The following DNASE1 variants were observed in gnomAD, a reference collection of about 807,000 sequenced individuals.
DNASE1 encodes the protein deoxyribonuclease-1.
A neutral mutation model predicts 33.9 loss-of-function variants in DNASE1; 40 were observed. That is an observed-to-expected ratio of 1.18 (90% CI 0.92 to 1.54). The LOEUF is 1.54. DNASE1 is among the 40% of genes most tolerant of loss of function. The pLI is 0.00. For synonymous variants in DNASE1, 216 were observed against 160.0 expected (o/e 1.35, Z -2.64); for missense variants, 518 against 372.6 (o/e 1.39, Z -3.21).
At chr16:3,639,388 C>T (rs2041967158), upstream of DNASE1, among the ~76,000 whole-genome samples, 1 of 152,198 alleles carries the variant, frequency 6.6e-6, no homozygotes. Context: ...CTGGTGAGTT[C>T]AACAGCACCC....
At chr16:3,613,924 T>A (rs1482706469) in intron 1 of DNASE1, among the ~76,000 whole-genome samples, 4 of 146,888 alleles carry the variant, frequency 2.7e-5, no homozygotes, top group Admixed American at 1.4e-4. Context: ...TTTTTTTTTT[T>A]TTTTTTTGGA....
intron 1 of DNASE1, among the ~76,000 whole-genome samples, chr16:3,625,961 G>A (rs530600022): frequency 3.3e-5 from 5 of 152,266 alleles, no homozygotes; most frequent in African/African-American, 1.2e-4. Context: ...TTAGCCGGGT[G>A]TCAGGGCATG....
At chr16:3,658,675 A>AAAC, downstream of DNASE1, 3 of 952,062 alleles carry the variant, frequency 3.2e-6, no homozygotes, top group Non-Finnish European at 4.4e-6. Context: ...CCATCTCAAA[A>AAAC]AACAAACAAA....
chr16:3,612,859 A>G (rs2040951878), intron 1 of DNASE1, among the ~76,000 whole-genome samples: 1 of 152,192 alleles, frequency 6.6e-6, no homozygotes, highest in South Asian at 2.1e-4. Flanking sequence ...AGCATAGTCA[A>G]GACGCAGTTG....
chr16:3,654,701 C>G lies in DNASE1; in HGVS notation c.-345C>G. ...ACGTGATTATCAGGTGCAGTTTTTA[C>G]AGCAGCAAGAAACCTGTGCTTACAG... On this transcript the variant is annotated 5_prime_UTR_variant, in exon 1 of 9. Coordinates refer to ENST00000246949, the MANE Select transcript of DNASE1 (RefSeq NM_005223.4). 2.5e-6 allele frequency: 1 copy of G among 399,544 alleles called. No individual in the cohort carries two copies. Among genetic ancestry groups the G allele is most frequent in the Non-Finnish European group, 4.4e-6 (1 of 226,838 alleles). 24.7% of individuals were successfully genotyped at this position (399,544 alleles called of 1,614,324 possible). A position where few individuals can be genotyped will look rare whatever the true frequency, so the allele number is the denominator to read the frequency against.
downstream of DNASE1, chr16:3,661,078 CTTCATATACAAGTTAG>C (rs930857412): frequency 7.9e-5 from 12 of 152,100 alleles, no homozygotes; most frequent in South Asian, 8.3e-4. Context: ...AAAAAAGAAA[CTTCATATACAAGTTAG>C]TTCATATACA....
downstream of DNASE1, chr16:3,658,598 G>T (rs535888326): frequency 8.4e-6 from 5 of 597,504 alleles, no homozygotes; most frequent in Non-Finnish European, 8.8e-6. Context: ...GCTTGAACCC[G>T]GGAGGCAGAG....
At chr16:3,614,418 G>A (rs1456662600) in intron 1 of DNASE1, among the ~76,000 whole-genome samples, 2 of 152,248 alleles carry the variant, frequency 1.3e-5, no homozygotes, top group Non-Finnish European at 2.9e-5. Flanking sequence ...CCACAAGGGA[G>A]ACATCAGCTT....
chr16:3,656,613 C>G (rs755955517), intron 4 of DNASE1, 25 bp from the exon 5 acceptor site: 1 of 1,589,310 alleles, frequency 6.3e-7, no homozygotes, highest in Non-Finnish European at 8.6e-7. Context: ...CTGGGGTCAC[C>G]TCCTCCTGCC....
chr16:3,612,141 C>G (rs923047310), intron 1 of DNASE1: 1 of 152,472 alleles, frequency 6.6e-6, no homozygotes, highest in Non-Finnish European at 1.5e-5. Context: ...CAGCCAGGGC[C>G]TGGGGGAAAG....
At chr16:3,639,303 A>T (rs781389790), upstream of DNASE1, among the ~76,000 whole-genome samples, 3 of 152,200 alleles carry the variant, frequency 2.0e-5, no homozygotes, top group African/African-American at 4.8e-5. Flanking sequence ...ATGAGCTGGT[A>T]TGTGGGACAT....
At chr16:3,650,109 A>C (rs2042287498), upstream of DNASE1, among the ~76,000 whole-genome samples, 10 of 152,146 alleles carry the variant, frequency 6.6e-5, no homozygotes, top group Admixed American at 6.5e-4. Context: ...AGGTTGTGTG[A>C]GTTAATTCAT....
rs867764907 is a variant in DNASE1, at chr16:3,664,200, G to A, written c.*6247G>A. 4.9e-6 allele frequency: 7 copies of A among 1,430,416 alleles called. 1 individual carries two copies. The Middle Eastern group carries it at 1.3e-3, about 255-fold the overall frequency. The allele number at this position is 1,430,416 out of a possible 1,614,324, so 88.6% of individuals were successfully genotyped here. ...CCGGAGTCTTGGGCAGGTTCACCCA[G>A]CACAGAGCTGAGAAGGTCAAGACCC... On this transcript the variant is annotated 3_prime_UTR_variant, in exon 10 of 10. Transcript: ENST00000407479.
At chr16:3,643,925 T>C (rs1312935103) in intron 1 of DNASE1, among the ~76,000 whole-genome samples, 1 of 151,944 alleles carries the variant, frequency 6.6e-6, no homozygotes, top group Non-Finnish European at 1.5e-5. Context: ...CATGCCCGGC[T>C]AATTTTTTTG....
chr16:3,621,096 C>CGAGAAGATT (rs2041295094), intron 1 of DNASE1, among the ~76,000 whole-genome samples: 1 of 152,030 alleles, frequency 6.6e-6, no homozygotes, highest in African/African-American at 2.4e-5. Flanking sequence ...CTGTGCCCGG[C>CGAGAAGATT]CTATTTTATA....
At chr16:3,654,174 G>C (rs1382692795), upstream of DNASE1, 9 of 395,316 alleles carry the variant, frequency 2.3e-5, no homozygotes, top group Non-Finnish European at 3.6e-5. Context: ...CTGGCCTTTA[G>C]CTGCTGCCCT....
exon 10 of DNASE1, chr16:3,663,311 T>C: frequency 2.1e-6 from 3 of 1,410,792 alleles, no homozygotes; most frequent in Non-Finnish European, 2.9e-6. Context: ...TTCTCGGGGG[T>C]GGCTGAGCCC....
At chr16:3,664,629 G>A in exon 10 of DNASE1, 2 of 664,556 alleles carry the variant, frequency 3.0e-6, no homozygotes, top group Non-Finnish European at 2.4e-6. Context: ...GCCTTGCTCT[G>A]CCCATCAGGC....
chr16:3,650,973 A>G (rs1232953797), upstream of DNASE1: 1 of 152,236 alleles, frequency 6.6e-6, no homozygotes, highest in Non-Finnish European at 1.5e-5. Flanking sequence ...GCAGAGTATC[A>G]TTGCTTCCTT....
Sources: allele counts gnomAD v4.1 joint callset (sites outside exome capture counted in the v4.1 genomes callset), GRCh38; gene constraint gnomAD v4.1.1; transcripts MANE v1.5; gene names NCBI Gene and HGNC (gene_info 2026-07-23, HGNC 2026-07-21).